Variants in CAST observed in about 807,000 individuals in gnomAD.
CAST encodes the protein calpastatin, also known as MIR583 host.
In CAST, 76 loss-of-function variants were observed where a neutral mutation model predicts 119.6. The ratio of observed to expected loss-of-function variants is 0.64; its 90% CI spans 0.53 to 0.77. CAST has a LOEUF of 0.77. Among genes scored for constraint, CAST ranks in the 30% least tolerant of loss-of-function variants. CAST has a pLI of 0.00. For missense variants in CAST, 953 were observed against 946.5 expected (o/e 1.01, Z -0.09); for synonymous variants, 319 against 331.6 (o/e 0.96, Z 0.41).
the CAST span, among the ~76,000 whole-genome samples, chr5:96,323,489 A>C: frequency 2.0e-5 from 3 of 152,234 alleles, no homozygotes; most frequent in African/African-American, 7.2e-5. Flanking sequence ...GGGAGCTGCA[A>C]AGAAAAATAA....
chr5:96,467,491 G>A, the CAST span, among the ~76,000 whole-genome samples: 1 of 151,834 alleles, frequency 6.6e-6, no homozygotes, highest in East Asian at 1.9e-4. Flanking sequence ...TAATCCTCTT[G>A]GAGTTCCTTC....
At chr5:96,327,802 C>T in the CAST span, among the ~76,000 whole-genome samples, 1 of 152,176 alleles carries the variant, frequency 6.6e-6, no homozygotes, top group African/African-American at 2.4e-5. Context: ...AGGGCAGTCC[C>T]TTATGCACCA....
intron 1 of CAST, among the ~76,000 whole-genome samples, chr5:96,566,034 G>A (rs538732792): frequency 1.3e-5 from 2 of 152,300 alleles, no homozygotes; most frequent in East Asian, 3.9e-4. Context: ...CTAGAGTGAG[G>A]TTTCCATAGC....
the CAST span, among the ~76,000 whole-genome samples, chr5:96,328,773 A>G: frequency 1.3e-5 from 2 of 152,180 alleles, no homozygotes. Context: ...TTCACTGGGT[A>G]TAACTTACCT....
At chr5:96,753,675 G>T (rs1765659801) in intron 20 of CAST, among the ~76,000 whole-genome samples, 1 of 152,144 alleles carries the variant, frequency 6.6e-6, no homozygotes, top group Non-Finnish European at 1.5e-5. Flanking sequence ...ATGGCCTCTT[G>T]TGGGCTCTCT....
chr5:96,487,324 G>C, the CAST span, among the ~76,000 whole-genome samples: 1 of 152,166 alleles, frequency 6.6e-6, no homozygotes, highest in African/African-American at 2.4e-5. Flanking sequence ...GCAGATATGT[G>C]TATTTTATAT....
At chr5:96,206,004 G>A in the CAST span, among the ~76,000 whole-genome samples, 6 of 151,902 alleles carry the variant, frequency 3.9e-5, no homozygotes, top group Admixed American at 2.0e-4. Context: ...CATTTTAATA[G>A]CCATTCTGAA....
At chr5:96,263,655 C>T in the CAST span, among the ~76,000 whole-genome samples, 6 of 152,070 alleles carry the variant, frequency 3.9e-5, no homozygotes, top group African/African-American at 1.5e-4. Flanking sequence ...AAATAATCCT[C>T]ATTTAACTAC....
At chr5:96,487,897 A>G in the CAST span, among the ~76,000 whole-genome samples, 2 of 152,224 alleles carry the variant, frequency 1.3e-5, no homozygotes, top group Non-Finnish European at 2.9e-5. Flanking sequence ...ATATGCCATT[A>G]TACATTAGGA....
At chr5:96,682,714 G>A (rs1751593315) in intron 2 of CAST, among the ~76,000 whole-genome samples, 1 of 152,036 alleles carries the variant, frequency 6.6e-6, no homozygotes, top group African/African-American at 2.4e-5. Context: ...CTATGTCCCT[G>A]CTAACTAAAT....
chr5:96,377,440 T>C, the CAST span, among the ~76,000 whole-genome samples: 6 of 152,156 alleles, frequency 3.9e-5, no homozygotes, highest in African/African-American at 1.2e-4. Flanking sequence ...TTCTCTTTTA[T>C]ACTGCATTTT....
chr5:96,747,494 T>C (rs1429628958), intron 18 of CAST, 102 bp downstream of exon 18: 3 of 772,006 alleles, frequency 3.9e-6, no homozygotes, highest in African/African-American at 1.7e-5. Context: ...CAGACTTGCA[T>C]GCTAACCTAG....
At chr5:96,307,265 A>T in the CAST span, among the ~76,000 whole-genome samples, 1 of 152,098 alleles carries the variant, frequency 6.6e-6, no homozygotes, top group South Asian at 2.1e-4. Flanking sequence ...AGAGACTAGG[A>T]TTGTGACCCC....
At chr5:96,334,218 G>T in the CAST span, among the ~76,000 whole-genome samples, 1 of 152,314 alleles carries the variant, frequency 6.6e-6, no homozygotes, top group East Asian at 1.9e-4. Flanking sequence ...ATTATTGGAG[G>T]TTCTGCTCTC....
the CAST span, among the ~76,000 whole-genome samples, chr5:96,239,209 T>C: frequency 6.6e-6 from 1 of 152,166 alleles, no homozygotes; most frequent in Admixed American, 6.5e-5. Context: ...AATTATGCAA[T>C]GACTTATATA....
chr5:96,631,658 G>A (rs9791137), intron 1 of CAST, among the ~76,000 whole-genome samples: 29,640 of 143,154 alleles, frequency 0.21, 7,215 homozygotes, highest in East Asian at 0.49. Flanking sequence ...TTGGCTCCCC[G>A]AGTAGCTGGG....
At chr5:96,763,544 A>G (rs1768767828) in intron 25 of CAST, among the ~76,000 whole-genome samples, 5 of 152,192 alleles carry the variant, frequency 3.3e-5, no homozygotes, top group African/African-American at 4.8e-5. Flanking sequence ...TTTTGCCTTT[A>G]AGAAGTAGGT....
chr5:96,683,990 T>G (rs1035904463), intron 2 of CAST, among the ~76,000 whole-genome samples: 1 of 152,204 alleles, frequency 6.6e-6, no homozygotes, highest in Non-Finnish European at 1.5e-5. Flanking sequence ...AGAGCCACAC[T>G]CACAACTCAG....
intron 1 of CAST, among the ~76,000 whole-genome samples, chr5:96,619,182 C>T (rs1747536810): frequency 2.0e-5 from 3 of 151,892 alleles, no homozygotes; most frequent in Non-Finnish European, 4.4e-5. Context: ...TGTAAATGCA[C>T]CAATCAGCAC....
Sources: allele counts gnomAD v4.1 joint callset (sites outside exome capture counted in the v4.1 genomes callset), GRCh38; gene constraint gnomAD v4.1.1; transcripts MANE v1.5; gene names NCBI Gene and HGNC (gene_info 2026-07-23, HGNC 2026-07-21).